Variants in PDZK1 observed in about 807,000 individuals in gnomAD.
PDZK1 encodes PDZ domain containing 1, also known as Na(+)/H(+) exchange regulatory cofactor NHE-RF3.
A neutral mutation model predicts 38.1 loss-of-function variants in PDZK1; 23 were observed. The observed-to-expected ratio is 0.60, with a 90% CI of 0.43 to 0.85. The LOEUF (loss-of-function observed/expected upper bound fraction) is 0.85. Ranked by LOEUF, PDZK1 falls within the 40% of genes least tolerant of loss-of-function variation. PDZK1 has a pLI of 0.00. For missense variants in PDZK1, 297 were observed against 504.3 expected, an observed-to-expected ratio of 0.59 and a Z score of 3.94; for synonymous variants, 98 against 186.2, an observed-to-expected ratio of 0.53 and a Z score of 3.86.
intron 6 of PDZK1, among the ~76,000 whole-genome samples, chr1:145,676,909 A>G (rs1285631982): frequency 1.6e-4 from 24 of 151,902 alleles, no homozygotes; most frequent in African/African-American, 5.8e-4. Context: ...CACAATATTG[A>G]TTGAACAAAT....
At chr1:145,704,944 C>T (rs782756541) in intron 1 of PDZK1, among the ~76,000 whole-genome samples, 3 of 152,184 alleles carry the variant, frequency 2.0e-5, no homozygotes, top group Non-Finnish European at 2.9e-5. Context: ...ATTCTTCTAG[C>T]TCCTTCCCTG....
chr1:145,689,573 A>G (rs9662723), intron 1 of PDZK1, among the ~76,000 whole-genome samples: 5,476 of 152,280 alleles, frequency 0.036, 326 homozygotes, highest in African/African-American at 0.13. Context: ...TTATAGGAGA[A>G]TAAGAACAGG....
chr1:145,692,184 A>G (rs1217678068), intron 1 of PDZK1, among the ~76,000 whole-genome samples: 9 of 152,290 alleles, frequency 5.9e-5, no homozygotes, highest in Non-Finnish European at 1.0e-4. Context: ...AACTAAAGCC[A>G]CTGGTCTATT....
intron 1 of PDZK1, among the ~76,000 whole-genome samples, chr1:145,706,687 GGA>G (rs1284316851): frequency 6.6e-6 from 1 of 152,070 alleles, no homozygotes; most frequent in Non-Finnish European, 1.5e-5. Flanking sequence ...AATGATTCTG[GGA>G]GAGTTTTCAA....
intron 1 of PDZK1, among the ~76,000 whole-genome samples, chr1:145,694,674 G>A (rs146477635): frequency 0.018 from 2,714 of 151,908 alleles, 75 homozygotes; most frequent in African/African-American, 0.062. Flanking sequence ...CGAGGAGGGC[G>A]GATCATGAGG....
At chr1:145,694,854 G>A (rs1238847239) in intron 1 of PDZK1, among the ~76,000 whole-genome samples, 15 of 125,940 alleles carry the variant, frequency 1.2e-4, no homozygotes, top group African/African-American at 3.5e-4. Context: ...CTGAGATCGC[G>A]CCAGTACACT....
chr1:145,679,772 C>G, intron 5 of PDZK1, among the ~76,000 whole-genome samples: 1 of 152,108 alleles, frequency 6.6e-6, no homozygotes, highest in Non-Finnish European at 1.5e-5. Flanking sequence ...GGTTTTTGTT[C>G]TTCTCCCTTA....
chr1:145,674,543 C>T (rs1653447081), intron 6 of PDZK1, among the ~76,000 whole-genome samples: 1 of 152,166 alleles, frequency 6.6e-6, no homozygotes, highest in Non-Finnish European at 1.5e-5. Context: ...ATACCCTCTT[C>T]CTCTCCTGTG....
intron 1 of PDZK1, 50 bp from the exon 2 acceptor site, chr1:145,688,073 T>C: frequency 6.9e-7 from 1 of 1,455,110 alleles, no homozygotes; most frequent in East Asian, 2.3e-5. Context: ...AGAATCTAAT[T>C]GGAGTGAGAA....
At chr1:145,682,051 C>CACACACAA (rs1359586952) in intron 4 of PDZK1, among the ~76,000 whole-genome samples, 1 of 130,208 alleles carries the variant, frequency 7.7e-6, no homozygotes, top group East Asian at 2.3e-4. Flanking sequence ...CACACACACA[C>CACACACAA]ATAAAAATTA....
chr1:145,700,252 A>T (rs191546842), intron 1 of PDZK1, among the ~76,000 whole-genome samples: 314 of 152,218 alleles, frequency 2.1e-3, no homozygotes, highest in Non-Finnish European at 2.2e-3. Context: ...CAAATAATAA[A>T]CTCTGGACTC....
chr1:145,679,494 C>T (rs1654028313), intron 5 of PDZK1, among the ~76,000 whole-genome samples: 1 of 152,150 alleles, frequency 6.6e-6, no homozygotes, highest in African/African-American at 2.4e-5. Flanking sequence ...GCCTAGAATT[C>T]TACCTAAACT....
At chr1:145,703,521 T>C (rs1468053470) in intron 1 of PDZK1, among the ~76,000 whole-genome samples, 2 of 152,064 alleles carry the variant, frequency 1.3e-5, no homozygotes, top group Non-Finnish European at 2.9e-5. Flanking sequence ...CCTGACTATT[T>C]GGATAAGCAG....
intron 5 of PDZK1, among the ~76,000 whole-genome samples, chr1:145,679,997 A>C (rs1403268802): frequency 1.3e-5 from 2 of 152,050 alleles, no homozygotes; most frequent in South Asian, 4.2e-4. Context: ...AGCTCTGTCT[A>C]CTTTCCCAAA....
intron 6 of PDZK1, among the ~76,000 whole-genome samples, chr1:145,675,832 A>C (rs1249714799): frequency 4.0e-5 from 6 of 151,302 alleles, no homozygotes; most frequent in Non-Finnish European, 7.4e-5. Flanking sequence ...GCCTGGCCAA[A>C]ATGGTGAAAC....
At position 145,687,840 on chromosome 1, in the gene PDZK1, A is replaced by G. The variant is rs782040242; in HGVS notation, c.182T>C (p.Val61Ala). 1.1e-5 allele frequency: 17 copies of G among 1,613,880 alleles called. No individual in the cohort carries two copies. The highest frequency in any genetic ancestry group is 1.4e-5 in the Non-Finnish European group (16 of 1,179,898). The change falls in exon 2 of 9, where the codon GTC (valine) becomes GCC (alanine). Residue 61 changes from valine (V) to alanine (A), a missense_variant. By Grantham distance (64) the Val-to-Ala change is moderately conservative (BLOSUM62 0). This residue lies in a region of PDZK1 where 159 missense variants were observed against 200.0 expected (regional missense o/e 0.79). Coordinates refer to ENST00000417171, the MANE Select transcript of PDZK1 (RefSeq NM_001201325.2). ...DGDRVLRINGVFVDKEEHMQV... is the reference protein window; with the variant it reads ...DGDRVLRINGAFVDKEEHMQV... ...CATATGTTCTTCTTTGTCCACAAAG[A>G]CACCATTGATCCTAAGAACTCTGTC...
chr1:145,688,608 C>A (rs1399431739), intron 1 of PDZK1, among the ~76,000 whole-genome samples: 1 of 152,036 alleles, frequency 6.6e-6, no homozygotes, highest in Admixed American at 6.5e-5. Flanking sequence ...AATGACACTT[C>A]CAAGAACTGA....
chr1:145,685,242 A>G lies in PDZK1; in HGVS notation c.460+1235T>C, dbSNP rs587639452. ...GATAAGGGGGGACTCTTGTATGTCA[A>G]CCTAGGCAAGGGATCGCTTGCTAAT... On this transcript the variant is annotated intron_variant, in intron 3 of 8. Transcript: ENST00000417171. Among the ~76,000 whole-genome samples, 5 of 152,112 alleles carry G rather than the reference A, an allele frequency of 3.3e-5. 1 individual carries two copies. In the East Asian group the frequency reaches 9.7e-4, roughly 30 times the overall value.
chr1:145,699,521 G>A (rs191363630), intron 1 of PDZK1, among the ~76,000 whole-genome samples: 1 of 152,308 alleles, frequency 6.6e-6, no homozygotes, highest in East Asian at 1.9e-4. Context: ...GCAGATAAGA[G>A]GAGCTAGGAG....
Sources: gnomAD v4.1 joint callset for allele counts (sites outside exome capture counted in the v4.1 genomes callset) on GRCh38, gnomAD v4.1.1 for gene constraint, gnomAD v4.1.1 regional missense constraint, MANE v1.5 for transcripts, NCBI Gene and HGNC (gene_info 2026-07-23, HGNC 2026-07-21) for gene names.